The following POLR3E variants were observed in gnomAD, a reference collection of about 807,000 sequenced individuals.
POLR3E encodes the protein DNA-directed RNA polymerase III subunit RPC5.
Under a neutral mutation model 96.6 loss-of-function variants are expected in POLR3E, and 41 were observed. That is an observed-to-expected ratio of 0.42 (90% CI 0.33 to 0.55). POLR3E has a LOEUF of 0.55. Among genes scored for constraint, POLR3E ranks in the 20% least tolerant of loss-of-function variants. The probability of loss-of-function intolerance (pLI) is 0.06; values close to 1 mark genes in which losing one functional copy is unlikely to be tolerated. For missense variants in POLR3E, 849 were observed against 952.1 expected, an observed-to-expected ratio of 0.89 and a Z score of 1.43; for synonymous variants, 396 against 383.6, an observed-to-expected ratio of 1.03 and a Z score of -0.38.
rs377091937 is a variant in POLR3E at position 22,316,607 on chromosome 16, C to T, written c.649C>T (p.Arg217Cys). The T allele has an allele frequency of 1.4e-5, 22 of 1,613,374 alleles. No individual in the cohort carries two copies. The highest frequency in any genetic ancestry group is 6.6e-5 in the South Asian group (6 of 91,066). Reference sequence around the variant, plus strand: ...CCCTGCCCTCCTCCAACAGGACAGTCGCTCTGAGCATGAGCGTCAGTACCT... The same window carrying T: ...CCCTGCCCTCCTCCAACAGGACAGTTGCTCTGAGCATGAGCGTCAGTACCT... The part of the protein sequence containing the change: ...HLHYYGLRDS[R>C]SEHERQYLLC... Residue 217 changes from arginine to cysteine, a missense_variant, in exon 10 of 21, where the codon CGC (arginine) becomes TGC (cysteine). Physicochemically the swap from Arg to Cys is radical, Grantham distance 180 (BLOSUM62 -3). Coordinates refer to ENST00000299853, the MANE Select transcript of POLR3E (RefSeq NM_018119.4).
chr16:22,306,533 G>A (rs937773728), intron 3 of POLR3E, among the ~76,000 whole-genome samples: 5 of 152,192 alleles, frequency 3.3e-5, no homozygotes, highest in Admixed American at 6.5e-5. Flanking sequence ...GATTACAGGT[G>A]TGAGCCACCG....
Position 22,325,269 on chromosome 16 carries a change from G to T in POLR3E, c.1348+3G>T. ...AAAGAAGCCGGATGCACAATCAGGTGTGTGAGGGGCTTTGGGCTGGGAGGC... is the reference window on the plus strand; with the variant it reads ...AAAGAAGCCGGATGCACAATCAGGTTTGTGAGGGGCTTTGGGCTGGGAGGC... On this transcript the variant is annotated splice_donor_region_variant and intron_variant, in intron 17 of 20. Coordinates refer to ENST00000299853, the MANE Select transcript of POLR3E (RefSeq NM_018119.4). The T allele has an allele frequency of 6.2e-7, 1 of 1,612,456 alleles. No homozygotes were observed. Among genetic ancestry groups the T allele is most frequent in the Non-Finnish European group, 8.5e-7 (1 of 1,178,456 alleles).
chr16:22,324,683 G>C, intron 16 of POLR3E, 23 bp downstream of exon 16: 1 of 1,612,962 alleles, frequency 6.2e-7, no homozygotes, highest in East Asian at 2.2e-5. Flanking sequence ...GGCCAGGGAG[G>C]GGCAGCCCGG....
chr16:22,332,064 G>C lies in POLR3E; in HGVS notation c.1949G>C (p.Arg650Pro). The change falls in exon 20 of 21, where the codon CGA becomes CCA. Residue 650 changes from arginine to proline, a missense_variant. Arg to Pro is a moderately radical substitution (Grantham distance 103). Transcript: ENST00000299853. ...AACGTGTTTTTGCTACTAAAGCATC[G>C]ACAGGTTTTGCTTGAAATTTTTTCC... Reference protein sequence around the residue: ...WESGDMSDQHRQVLLEIFSKN... With the variant: ...WESGDMSDQHPQVLLEIFSKN... 1 of 1,613,176 alleles carries C rather than the reference G, an allele frequency of 6.2e-7. No individual in the cohort carries two copies. The highest frequency in any genetic ancestry group is 8.5e-7 in the Non-Finnish European group (1 of 1,179,566).
chr16:22,317,025 C>T lies in POLR3E; in HGVS notation c.759C>T (p.Ser253=). The change falls in exon 11 of 21, where the codon AGC becomes AGT. Residue 253 remains serine, a synonymous_variant. Coordinates refer to ENST00000299853, the MANE Select transcript of POLR3E (RefSeq NM_018119.4). The part of the protein sequence containing the change: ...SEYLMMLMPP[S]QEEEKDKPVA... ...ACCTGATGATGCTGATGCCACCCAGCCAGGAGGAGGAGAAGTGAGTAGAGG... is the reference window on the plus strand; with the variant it reads ...ACCTGATGATGCTGATGCCACCCAGTCAGGAGGAGGAGAAGTGAGTAGAGG... The T allele has an allele frequency of 1.9e-6, 3 of 1,614,172 alleles. No individual in the cohort carries two copies. Among genetic ancestry groups the T allele is most frequent in the Non-Finnish European group, 1.7e-6 (2 of 1,179,994 alleles).
chr16:22,326,197 C>T lies in POLR3E; in HGVS notation c.1785C>T (p.Gly595=), dbSNP rs2048588147. Residue 595 remains glycine, a synonymous_variant, in exon 18 of 21, where the codon GGC becomes GGT. Coordinates refer to ENST00000299853, the MANE Select transcript of POLR3E (RefSeq NM_018119.4). ...TGCACTTGGCCAGCCTGCCCCCCGG[C>T]CACACACTCTTCAGCGGCATCTCGG... ...FNLHLASLPP[G]HTLFSGISDR... 3 of 1,613,900 alleles carry T rather than the reference C, an allele frequency of 1.9e-6. No individual in the cohort carries two copies. Among genetic ancestry groups the T allele is most frequent in the Admixed American group, 1.7e-5 (1 of 60,000 alleles).
intron 1 of POLR3E, among the ~76,000 whole-genome samples, chr16:22,300,044 G>A (rs887394859): frequency 1.3e-5 from 2 of 152,152 alleles, no homozygotes; most frequent in Non-Finnish European, 2.9e-5. Context: ...ACTCACTGTT[G>A]CTGGGAGACT....
chr16:22,299,070 A>T (rs2047966721), intron 1 of POLR3E: 2 of 455,974 alleles, frequency 4.4e-6, no homozygotes, highest in Non-Finnish European at 8.8e-6. Flanking sequence ...CCACCAAGGA[A>T]AGAAAACAGA....
In POLR3E at chr16:22,313,396, G is replaced by A. The variant is rs1329428425; in HGVS notation, c.365-224G>A. 6.6e-6 allele frequency among the ~76,000 whole-genome samples: 1 copy of A among 152,196 alleles called. No individual in the cohort carries two copies. Among genetic ancestry groups the A allele is most frequent in the African/African-American group, 2.4e-5 (1 of 41,454 alleles). ...AAGTGGCTTCGAACAGAAGAGTCCA[G>A]GTTCCTGTCCTAGTCTGGGCTGTGT... is the stretch of plus-strand genomic sequence containing the variant. On this transcript the variant is annotated intron_variant, in intron 6 of 20. Transcript: ENST00000299853. This position sits in a 1 kb window ranked among gnomAD's most constrained non-coding sequence, Gnocchi z 4.1.
rs2048538240 is a variant in POLR3E at position 22,324,541 on chromosome 16, G to A, written c.1167G>A (p.Met389Ile). ...AEDVKDFLEH[M>I]AVVRINKGWE... ...ATGTGAAGGACTTCCTGGAGCACAT[G>A]GCCGTGGTGAGGATCAACAAAGGCT... Residue 389 changes from methionine to isoleucine, a missense_variant, in exon 16 of 21, where the codon ATG (methionine) becomes ATA (isoleucine). Physicochemically the swap from Met to Ile is conservative, Grantham distance 10. Coordinates refer to ENST00000299853, the MANE Select transcript of POLR3E (RefSeq NM_018119.4). 6.2e-7 allele frequency: 1 copy of A among 1,612,862 alleles called. No homozygotes were observed. Among genetic ancestry groups the A allele is most frequent in the Non-Finnish European group, 8.5e-7 (1 of 1,179,534 alleles).
In POLR3E at chr16:22,315,098, T is replaced by G; in HGVS notation, c.532T>G (p.Ser178Ala). Reference protein sequence around the residue: ...DDVKQITVRFSRPESEQARQR... With the variant: ...DDVKQITVRFARPESEQARQR... ...CCCCTTCCCACCGCAGGTGCGGTTC[T>G]CCCGGCCGGAGTCAGAGCAGGCCCG... Residue 178 changes from serine (S) to alanine (A), a missense_variant, in exon 9 of 21, where the codon TCC (serine) becomes GCC (alanine). Coordinates refer to ENST00000299853, the MANE Select transcript of POLR3E (RefSeq NM_018119.4). The G allele has an allele frequency of 6.2e-7, 1 of 1,613,332 alleles. No individual in the cohort carries two copies. The highest frequency in any genetic ancestry group is 8.5e-7 in the Non-Finnish European group (1 of 1,179,900).
rs1399318708 is a variant in POLR3E, at chr16:22,325,940, G to T, written c.1528G>T (p.Glu510Ter). The T allele has an allele frequency of 2.8e-5, 45 of 1,592,992 alleles. No homozygotes were observed. The highest frequency in any genetic ancestry group is 3.8e-5 in the Non-Finnish European group (44 of 1,169,574). ...EPVSEEGEEDEEQEAEEEPMD... is the reference protein window; with the variant it reads ...EPVSEEGEED ...CGTGAGCGAGGAGGGCGAGGAGGAC[G>T]AGGAGCAGGAGGCGGAGGAGGAGCC... Residue 510 changes from glutamate (E) to a stop codon, truncating the protein, a stop_gained, in exon 18 of 21, where the codon GAG (glutamate) becomes TAG (stop). Transcript: ENST00000299853. LOFTEE classifies it high-confidence loss of function.
chr16:22,307,485 C>T (rs1254187975), intron 3 of POLR3E, among the ~76,000 whole-genome samples: 2 of 152,184 alleles, frequency 1.3e-5, no homozygotes, highest in African/African-American at 2.4e-5. Flanking sequence ...GACTTTGACT[C>T]CTTCACCTGA....
chr16:22,325,981 C>T lies in POLR3E; in HGVS notation c.1569C>T (p.Pro523=), dbSNP rs2048579341. ...AGGAGGAGCCCATGGACACTTCCCC[C>T]AGCGGCCTCCACAGCAAGCTGGCCA... ...EAEEEPMDTS[P]SGLHSKLANG... The change falls in exon 18 of 21, where the codon CCC becomes CCT. Residue 523 remains proline (P), a synonymous_variant. Coordinates refer to ENST00000299853, the MANE Select transcript of POLR3E (RefSeq NM_018119.4). 6.3e-7 allele frequency: 1 copy of T among 1,591,452 alleles called. No homozygotes were observed. The highest frequency in any genetic ancestry group is 1.8e-5 in the Admixed American group (1 of 56,334).
intron 3 of POLR3E, 56 bp from the exon 4 acceptor site, chr16:22,308,092 C>T (rs1328904403): frequency 1.5e-6 from 2 of 1,368,498 alleles, no homozygotes; most frequent in Non-Finnish European, 2.1e-6. Flanking sequence ...TGGCCAGGGC[C>T]CAGCTCTGGG....
Position 22,333,755 on chromosome 16 carries a change from A to C in POLR3E, c.*55A>C. The C allele has an allele frequency of 7.9e-7, 1 of 1,267,832 alleles. No individual in the cohort carries two copies. The highest frequency in any genetic ancestry group is 1.2e-6 in the Non-Finnish European group (1 of 864,008). 78.5% of individuals were successfully genotyped at this position (1,267,832 alleles called of 1,614,324 possible). Reference sequence around the variant, plus strand: ...TCTAAGCCCAAGGAAGAAGGGCGGAACCAGAAGTAGGGCCTCGACTTGCTT... The same window carrying C: ...TCTAAGCCCAAGGAAGAAGGGCGGACCCAGAAGTAGGGCCTCGACTTGCTT... On this transcript the variant is annotated 3_prime_UTR_variant, in exon 21 of 21. Coordinates refer to ENST00000299853, the MANE Select transcript of POLR3E (RefSeq NM_018119.4).
chr16:22,326,525 T>G, intron 18 of POLR3E: 1 of 563,500 alleles, frequency 1.8e-6, no homozygotes, highest in Non-Finnish European at 3.2e-6. Context: ...GCCTATTGCC[T>G]GGCCTGCAGC....
chr16:22,316,399 C>T (rs2048355920), intron 9 of POLR3E, among the ~76,000 whole-genome samples: 1 of 152,138 alleles, frequency 6.6e-6, no homozygotes, highest in African/African-American at 2.4e-5. Context: ...GGCATCGAGG[C>T]TTGGGGGCTG....
intron 10 of POLR3E, 53 bp downstream of exon 10, chr16:22,316,739 G>C: frequency 6.9e-7 from 1 of 1,439,346 alleles, no homozygotes; most frequent in Non-Finnish European, 9.8e-7. Flanking sequence ...GGGTCCCCAG[G>C]GGTCCTTGGT....
Sources: allele counts gnomAD v4.1 joint callset (sites outside exome capture counted in the v4.1 genomes callset), GRCh38; gene constraint gnomAD v4.1.1; non-coding constraint Gnocchi (gnomAD v3.1); transcripts MANE v1.5; gene names NCBI Gene and HGNC (gene_info 2026-07-23, HGNC 2026-07-21).